GRID1: variants seen among roughly 807,000 people sequenced by gnomAD.
GRID1 encodes the protein glutamate ionotropic receptor delta type subunit 1, also known as glutamate receptor ionotropic, delta-1.
Under a neutral mutation model 98.0 loss-of-function variants are expected in GRID1, and 28 were observed. The ratio of observed to expected loss-of-function variants is 0.29; its 90% CI spans 0.21 to 0.39. The LOEUF (loss-of-function observed/expected upper bound fraction) is 0.39, where lower values mean the gene tolerates loss of function less well. Among genes scored for constraint, GRID1 ranks in the 10% least tolerant of loss-of-function variants. GRID1 has a pLI of 1.00. For missense variants in GRID1, 1,111 were observed against 1,340.5 expected (o/e 0.83, Z 2.67); for synonymous variants, 553 against 538.5 (o/e 1.03, Z -0.37).
intron 4 of GRID1, among the ~76,000 whole-genome samples, chr10:85,955,803 G>A (rs79140963): frequency 0.029 from 4,404 of 152,262 alleles, 117 homozygotes; most frequent in Non-Finnish European, 0.044. Context: ...ACAGTGGACA[G>A]TGCAGCTGAC....
At chr10:86,146,409 T>C (rs1016530489) in intron 3 of GRID1, among the ~76,000 whole-genome samples, 1 of 152,210 alleles carries the variant, frequency 6.6e-6, no homozygotes, top group African/African-American at 2.4e-5. Context: ...CTCTCTTTCA[T>C]TGCACATTCC....
chr10:86,102,299 T>C (rs548340803), intron 4 of GRID1, among the ~76,000 whole-genome samples: 13 of 152,334 alleles, frequency 8.5e-5, no homozygotes, highest in African/African-American at 2.9e-4. Flanking sequence ...ACCAGGGACA[T>C]AGCCATTGGG....
At chr10:85,646,356 C>T (rs1163669696) in intron 13 of GRID1, 1 of 152,444 alleles carries the variant, frequency 6.6e-6, no homozygotes. Flanking sequence ...ACAGGAGGAC[C>T]CCACCACCAG....
chr10:85,949,785 T>C (rs550783922), intron 4 of GRID1, among the ~76,000 whole-genome samples: 2 of 152,318 alleles, frequency 1.3e-5, no homozygotes, highest in African/African-American at 4.8e-5. Context: ...ATGACTAAAA[T>C]AAAATTAGCA....
intron 4 of GRID1, among the ~76,000 whole-genome samples, chr10:86,013,776 T>C (rs558396949): frequency 5.3e-5 from 8 of 152,302 alleles, no homozygotes; most frequent in Non-Finnish European, 7.4e-5. Context: ...AAGACAGACA[T>C]AGAGGGCATA....
intron 2 of GRID1, among the ~76,000 whole-genome samples, chr10:86,219,435 C>T (rs1233641011): frequency 6.6e-6 from 1 of 152,344 alleles, no homozygotes; most frequent in East Asian, 1.9e-4. Flanking sequence ...AGACGCCGCC[C>T]CTCCCTCACT....
chr10:85,976,932 T>C (rs1019604480), intron 4 of GRID1, among the ~76,000 whole-genome samples: 1 of 152,216 alleles, frequency 6.6e-6, no homozygotes. Context: ...CTACCAGAGA[T>C]GGTTTTTCTT....
At chr10:86,157,311 C>A (rs1335445347) in intron 3 of GRID1, among the ~76,000 whole-genome samples, 1 of 152,108 alleles carries the variant, frequency 6.6e-6, no homozygotes, top group Non-Finnish European at 1.5e-5. Flanking sequence ...AATGTTGGCC[C>A]AGGAAGAGAT....
intron 2 of GRID1, among the ~76,000 whole-genome samples, chr10:86,222,774 G>A (rs1342440881): frequency 6.6e-6 from 1 of 152,196 alleles, no homozygotes; most frequent in Non-Finnish European, 1.5e-5. Flanking sequence ...ACAAGTCACA[G>A]AGCCCGAGCA....
At chr10:85,828,087 C>T (rs1319457760) in intron 8 of GRID1, among the ~76,000 whole-genome samples, 1 of 151,994 alleles carries the variant, frequency 6.6e-6, no homozygotes, top group African/African-American at 2.4e-5. Context: ...CCAAACACAA[C>T]ATTCAACCAC....
intron 12 of GRID1, among the ~76,000 whole-genome samples, chr10:85,712,160 T>C (rs950327238): frequency 2.0e-5 from 3 of 151,762 alleles, no homozygotes; most frequent in African/African-American, 7.2e-5. Context: ...CTAAGTCCTT[T>C]CTTAGAAATT....
chr10:86,194,056 A>G (rs903140477), intron 3 of GRID1, among the ~76,000 whole-genome samples: 1 of 152,150 alleles, frequency 6.6e-6, no homozygotes, highest in African/African-American at 2.4e-5. Flanking sequence ...AACAGGGGCC[A>G]GAACAAGGTC....
chr10:86,333,402 T>C (rs1246635240), intron 2 of GRID1, among the ~76,000 whole-genome samples: 1 of 152,236 alleles, frequency 6.6e-6, no homozygotes, highest in Non-Finnish European at 1.5e-5. Context: ...TATCTATACT[T>C]TCCCCACTAG....
At chr10:86,341,535 C>T (rs1391087386) in intron 2 of GRID1, among the ~76,000 whole-genome samples, 2 of 152,196 alleles carry the variant, frequency 1.3e-5, no homozygotes, top group Admixed American at 1.3e-4. Context: ...CACGGCTTTC[C>T]CTCAGCCTGA....
At chr10:85,788,543 A>G (rs1842450665) in intron 8 of GRID1, among the ~76,000 whole-genome samples, 1 of 151,718 alleles carries the variant, frequency 6.6e-6, no homozygotes, top group Admixed American at 6.6e-5. Flanking sequence ...TCATGAATTT[A>G]CTCCACAGTG....
chr10:85,666,954 A>G (rs1236628120), intron 12 of GRID1, among the ~76,000 whole-genome samples: 1 of 152,100 alleles, frequency 6.6e-6, no homozygotes, highest in Non-Finnish European at 1.5e-5. Flanking sequence ...TGAGCCCCAC[A>G]ATATTTCGCA....
At chr10:86,248,662 A>G (rs1455988936) in intron 2 of GRID1, among the ~76,000 whole-genome samples, 4 of 142,518 alleles carry the variant, frequency 2.8e-5, no homozygotes, top group Non-Finnish European at 3.0e-5. Context: ...AACCTCCACC[A>G]CCTGGGCTCA....
chr10:86,219,128 G>C (rs1167593901), intron 2 of GRID1, among the ~76,000 whole-genome samples: 1 of 152,220 alleles, frequency 6.6e-6, no homozygotes, highest in Non-Finnish European at 1.5e-5. Context: ...GGGAGTGCAT[G>C]CAGCCCTCTG....
intron 4 of GRID1, among the ~76,000 whole-genome samples, chr10:86,025,288 G>T (rs140736630): frequency 6.6e-6 from 1 of 152,160 alleles, no homozygotes; most frequent in African/African-American, 2.4e-5. Context: ...GCATGTAAAT[G>T]TAGTGGTTAT....
Sources: allele counts gnomAD v4.1 joint callset (sites outside exome capture counted in the v4.1 genomes callset), GRCh38; gene constraint gnomAD v4.1.1; transcripts MANE v1.5; gene names NCBI Gene and HGNC (gene_info 2026-07-23, HGNC 2026-07-21).